The following ZNF521 variants were observed in gnomAD, a reference collection of about 807,000 sequenced individuals.
The protein encoded by ZNF521 is zinc finger protein 521, also known as LYST-interacting protein 3.
ZNF521 carries 14 observed loss-of-function variants against 105.5 expected under a neutral mutation model. That is an observed-to-expected ratio of 0.13 (90% CI 0.09 to 0.21). ZNF521 has a LOEUF of 0.21. ZNF521 is among the 10% of genes least tolerant of loss of function. The pLI is 1.00. For missense variants in ZNF521, 1,233 were observed against 1,629.7 expected (o/e 0.76, Z 4.19); for synonymous variants, 635 against 606.0 (o/e 1.05, Z -0.70).
chr18:25,182,839 A>C (rs1222647904), intron 5 of ZNF521, among the ~76,000 whole-genome samples: 1 of 152,148 alleles, frequency 6.6e-6, no homozygotes, highest in East Asian at 1.9e-4. Context: ...AATCTGAACA[A>C]ACGACCAGTC....
intron 5 of ZNF521, among the ~76,000 whole-genome samples, chr18:25,173,577 A>G (rs2035485056): frequency 6.6e-6 from 1 of 152,216 alleles, no homozygotes; most frequent in Admixed American, 6.5e-5. Flanking sequence ...ATACAGCAGT[A>G]TGTGGATGTT....
chr18:25,323,926 A>C (rs1009643495), intron 2 of ZNF521, among the ~76,000 whole-genome samples: 1 of 151,954 alleles, frequency 6.6e-6, no homozygotes, highest in South Asian at 2.1e-4. Flanking sequence ...GGGTTCTTAA[A>C]AAAAAAAAAG....
chr18:25,193,842 G>T (rs1452226090), intron 5 of ZNF521, among the ~76,000 whole-genome samples: 1 of 151,804 alleles, frequency 6.6e-6, no homozygotes, highest in Non-Finnish European at 1.5e-5. Flanking sequence ...GAGATGAATT[G>T]ATCAATATTT....
intron 7 of ZNF521, among the ~76,000 whole-genome samples, chr18:25,084,168 A>G (rs1029684724): frequency 6.6e-6 from 1 of 151,170 alleles, no homozygotes; most frequent in African/African-American, 2.4e-5. Flanking sequence ...AATTCTGACT[A>G]TTAACAAGGA....
chr18:25,326,655 C>A (rs1037046978), intron 2 of ZNF521, among the ~76,000 whole-genome samples: 5 of 152,158 alleles, frequency 3.3e-5, no homozygotes, highest in Non-Finnish European at 5.9e-5. Context: ...CCCTCTGTCC[C>A]TCTTGCTGGA....
chr18:25,341,758 C>G (rs769485263), intron 2 of ZNF521, among the ~76,000 whole-genome samples: 4 of 152,190 alleles, frequency 2.6e-5, no homozygotes, highest in Non-Finnish European at 4.4e-5. Context: ...ACACGTACGT[C>G]CTTCTCCTCA....
chr18:25,065,237 C>T (rs982451194), intron 7 of ZNF521, among the ~76,000 whole-genome samples: 3 of 152,104 alleles, frequency 2.0e-5, no homozygotes, highest in African/African-American at 2.4e-5. Context: ...TAATACAGAT[C>T]GAGCACCTCC....
chr18:25,065,713 T>A (rs28579980), intron 7 of ZNF521, among the ~76,000 whole-genome samples: 4,619 of 152,274 alleles, frequency 0.03, 124 homozygotes, highest in African/African-American at 0.062. Context: ...TGTGATTGGA[T>A]TCTAGGGGTT....
In ZNF521 at chr18:25,158,988, C is replaced by CA. The variant is rs1329667136; in HGVS notation, c.3658+36171dup. Among the ~76,000 whole-genome samples the CA allele has an allele frequency of 3.3e-5, 5 of 150,252 alleles. No individual in the cohort carries two copies. The South Asian group carries it at 8.4e-4, about 25-fold the overall frequency. On this transcript the variant is annotated intron_variant, in intron 5 of 7. Coordinates refer to ENST00000361524, the MANE Select transcript of ZNF521 (RefSeq NM_015461.3). ...AAAAAAGAAAGGTAAAACTACCAAA[C>CA]AAAAAAATGAAAGAAGGAAACATCC...
At chr18:25,299,006 A>C (rs1911478863) in intron 3 of ZNF521, among the ~76,000 whole-genome samples, 1 of 152,222 alleles carries the variant, frequency 6.6e-6, no homozygotes, top group African/African-American at 2.4e-5. Context: ...TGGGCGCAGT[A>C]GCAGCAAAAT....
intron 3 of ZNF521, among the ~76,000 whole-genome samples, chr18:25,271,194 C>T (rs543764859): frequency 2.6e-5 from 4 of 152,178 alleles, no homozygotes; most frequent in Admixed American, 2.0e-4. Context: ...GAATAAAATA[C>T]TTAGGAATAC....
At chr18:25,253,963 T>C (rs1908295909) in intron 3 of ZNF521, among the ~76,000 whole-genome samples, 1 of 152,162 alleles carries the variant, frequency 6.6e-6, no homozygotes, top group Non-Finnish European at 1.5e-5. Flanking sequence ...ACTCTGACTA[T>C]GCAGTAATCT....
At chr18:25,083,892 TCCTGAGTA>T (rs1038100054) in intron 7 of ZNF521, among the ~76,000 whole-genome samples, 1 of 147,388 alleles carries the variant, frequency 6.8e-6, no homozygotes, top group African/African-American at 2.5e-5. Flanking sequence ...CACCTCAGCC[TCCTGAGTA>T]CCTGGGACCA....
At chr18:25,337,836 A>T (rs1913975275) in intron 2 of ZNF521, among the ~76,000 whole-genome samples, 1 of 152,184 alleles carries the variant, frequency 6.6e-6, no homozygotes, top group Non-Finnish European at 1.5e-5. Flanking sequence ...TAAGTAACTA[A>T]AAAGAAACAC....
intron 5 of ZNF521, among the ~76,000 whole-genome samples, chr18:25,124,790 C>A (rs747096808): frequency 1.2e-4 from 18 of 152,158 alleles, no homozygotes; most frequent in Non-Finnish European, 2.2e-4. Context: ...ATGTCAAATA[C>A]ACTCCTCTAA....
intron 3 of ZNF521, among the ~76,000 whole-genome samples, chr18:25,317,798 A>G (rs7239010): frequency 0.011 from 1,717 of 152,340 alleles, 28 homozygotes; most frequent in African/African-American, 0.038. Flanking sequence ...ATAAATGCCC[A>G]ACAGAATGTC....
At position 25,316,847 on chromosome 18, in the gene ZNF521, CTTTTTTT is replaced by C. The variant is rs200212987; in HGVS notation, c.220+5154_220+5160del. ...GTGCTTCAACAAGTGGCAAGTAAGACTTTTTTTTTTTTTTTTTTTTTTTTGAGACAGA... is the reference window on the plus strand; with the variant it reads ...GTGCTTCAACAAGTGGCAAGTAAGACTTTTTTTTTTTTTTTTTGAGACAGA... On this transcript the variant is annotated intron_variant, in intron 3 of 7. Coordinates refer to ENST00000361524, the MANE Select transcript of ZNF521 (RefSeq NM_015461.3). 4.9e-3 allele frequency among the ~76,000 whole-genome samples: 617 copies of C among 127,036 alleles called. 5 individuals carry two copies. The highest frequency in any genetic ancestry group is 0.015 in the African/African-American group (525 of 34,654). 83.3% of individuals were successfully genotyped at this position (127,036 alleles called of 152,430 possible). A position where few individuals can be genotyped will look rare whatever the true frequency, so the allele number is the denominator to read the frequency against.
intron 2 of ZNF521, among the ~76,000 whole-genome samples, chr18:25,338,767 T>G (rs183708768): frequency 6.6e-6 from 1 of 152,188 alleles, no homozygotes; most frequent in Non-Finnish European, 1.5e-5. Flanking sequence ...TATCACAGTT[T>G]AGTATTTACT....
chr18:25,109,103 A>G (rs1357756504), intron 5 of ZNF521, among the ~76,000 whole-genome samples: 1 of 151,918 alleles, frequency 6.6e-6, no homozygotes, highest in Non-Finnish European at 1.5e-5. Context: ...TTTAACCCTC[A>G]CGCCCCCAAC....
Sources: gnomAD v4.1 joint callset for allele counts (sites outside exome capture counted in the v4.1 genomes callset) on GRCh38, gnomAD v4.1.1 for gene constraint, MANE v1.5 for transcripts, NCBI Gene and HGNC (gene_info 2026-07-23, HGNC 2026-07-21) for gene names.